Variants in BCL2 observed in about 807,000 individuals in gnomAD.
The protein encoded by BCL2 is BCL2 apoptosis regulator.
Under a neutral mutation model 14.2 loss-of-function variants are expected in BCL2, and 1 was observed. The observed-to-expected ratio is 0.07, with a 90% confidence interval of 0.02 to 0.33. BCL2 has a LOEUF of 0.33. BCL2 is among the 10% of genes least tolerant of loss of function. The pLI is 0.99. For missense variants in BCL2, 247 were observed against 305.9 expected (o/e 0.81, Z 1.44); for synonymous variants, 151 against 137.2 (o/e 1.10, Z -0.70).
chr18:63,171,248 A>G (rs890719429), intron 2 of BCL2, among the ~76,000 whole-genome samples: 1 of 152,246 alleles, frequency 6.6e-6, no homozygotes, highest in African/African-American at 2.4e-5. Context: ...TTAAGAAAAA[A>G]AACAAAAACC....
chr18:63,167,189 T>G (rs1181350948), intron 2 of BCL2, among the ~76,000 whole-genome samples: 1 of 152,194 alleles, frequency 6.6e-6, no homozygotes, highest in Non-Finnish European at 1.5e-5. Flanking sequence ...GTCACCTATT[T>G]CCTGTCTTTC....
At chr18:63,156,796 C>A (rs189202522) in intron 2 of BCL2, among the ~76,000 whole-genome samples, 57 of 152,340 alleles carry the variant, frequency 3.7e-4, no homozygotes, top group African/African-American at 1.3e-3. Flanking sequence ...GGGGACTCCA[C>A]ACCCAAAGCC....
intron 2 of BCL2, among the ~76,000 whole-genome samples, chr18:63,274,277 CTTTT>C (rs74169950): frequency 1.2e-5 from 1 of 86,752 alleles, no homozygotes; most frequent in African/African-American, 4.4e-5. Context: ...TAAAGATACT[CTTTT>C]TTTTTTTTTT....
chr18:63,123,896 CTTAT>C lies in BCL2; in HGVS notation c.*4725_*4728del, dbSNP rs1162786449. 9.2e-6 allele frequency: 2 copies of C among 218,548 alleles called. No homozygotes were observed. The highest frequency in any genetic ancestry group is 1.8e-4 in the South Asian group (1 of 5,414). 13.5% of individuals were successfully genotyped at this position (218,548 alleles called of 1,614,324 possible). On this transcript the variant is annotated 3_prime_UTR_variant, in exon 3 of 3. Coordinates refer to ENST00000333681, the MANE Select transcript of BCL2 (RefSeq NM_000633.3). ...ATTTACTCAGTATCTACACTACAGT[CTTAT>C]TTATTAATAGTCTCAGAATTTTCTT...
intron 2 of BCL2, among the ~76,000 whole-genome samples, chr18:63,162,246 C>T (rs971958689): frequency 2.6e-5 from 4 of 152,076 alleles, no homozygotes; most frequent in Middle Eastern, 3.2e-3. Flanking sequence ...AAATTGAAGA[C>T]GATGATGACC....
chr18:63,155,987 T>G (rs1225094647), intron 2 of BCL2, among the ~76,000 whole-genome samples: 1 of 151,710 alleles, frequency 6.6e-6, no homozygotes, highest in Non-Finnish European at 1.5e-5. Context: ...TTCTTGGGAC[T>G]CTTGTTCTTT....
At chr18:63,234,976 T>C (rs1466335154) in intron 2 of BCL2, among the ~76,000 whole-genome samples, 2 of 151,906 alleles carry the variant, frequency 1.3e-5, no homozygotes, top group Non-Finnish European at 2.9e-5. Context: ...CATACTCCAA[T>C]AAGCCAATAA....
chr18:63,274,416 T>C (rs34929825), intron 2 of BCL2, among the ~76,000 whole-genome samples: 46,945 of 150,620 alleles, frequency 0.31, 7,826 homozygotes, highest in Middle Eastern at 0.42. Flanking sequence ...TCCCGAGTAG[T>C]GGGGATTACA....
chr18:63,243,791 A>G (rs1599265380), intron 2 of BCL2, among the ~76,000 whole-genome samples: 1 of 152,254 alleles, frequency 6.6e-6, no homozygotes, highest in East Asian at 1.9e-4. Context: ...CTAATATGAC[A>G]AATTTTCAAT....
At chr18:63,284,112 G>C (rs1203966401) in intron 2 of BCL2, among the ~76,000 whole-genome samples, 1 of 152,102 alleles carries the variant, frequency 6.6e-6, no homozygotes, top group Non-Finnish European at 1.5e-5. Flanking sequence ...CTTGGCCTGG[G>C]GGCACTTCTG....
intron 2 of BCL2, among the ~76,000 whole-genome samples, chr18:63,281,940 A>T (rs974588868): frequency 6.6e-6 from 1 of 152,198 alleles, no homozygotes; most frequent in African/African-American, 2.4e-5. Flanking sequence ...AGCTTATCCA[A>T]TACTTCATTA....
intron 2 of BCL2, among the ~76,000 whole-genome samples, chr18:63,147,791 G>A (rs1356011559): frequency 2.0e-5 from 3 of 152,114 alleles, no homozygotes; most frequent in Non-Finnish European, 4.4e-5. Context: ...GGTAACTTTT[G>A]ATGATAAGTT....
chr18:63,206,054 G>C lies in BCL2; in HGVS notation c.586-77295C>G, dbSNP rs1402547123. ...TGCCTCAGGCCTCTCCCTCTTCTGA[G>C]AGTTCTTGTCTCCATGTCTGATCCC... is the stretch of plus-strand genomic sequence containing the variant. On this transcript the variant is annotated intron_variant, in intron 2 of 2. Transcript: ENST00000333681. Among the ~76,000 whole-genome samples, 3 of 152,158 alleles carry C rather than the reference G, an allele frequency of 2.0e-5. No homozygotes were observed. The East Asian group carries it at 5.8e-4, about 29-fold the overall frequency.
intron 2 of BCL2, among the ~76,000 whole-genome samples, chr18:63,278,368 G>A (rs754287389): frequency 1.8e-4 from 27 of 152,146 alleles, no homozygotes; most frequent in South Asian, 1.2e-3. Flanking sequence ...CGGGCTCCCC[G>A]GAGCCTTCTC....
intron 2 of BCL2, among the ~76,000 whole-genome samples, chr18:63,299,967 C>T (rs1912913886): frequency 6.6e-6 from 1 of 152,080 alleles, no homozygotes; most frequent in Admixed American, 6.5e-5. Flanking sequence ...CTGTCCCCCC[C>T]AAGGCCAGAG....
At chr18:63,303,237 A>C (rs900632803) in intron 2 of BCL2, among the ~76,000 whole-genome samples, 1 of 152,210 alleles carries the variant, frequency 6.6e-6, no homozygotes, top group Non-Finnish European at 1.5e-5. Flanking sequence ...TGTTTTTCCA[A>C]CGCACACTCT....
chr18:63,186,824 A>C (rs1286722038), intron 2 of BCL2, among the ~76,000 whole-genome samples: 4 of 152,268 alleles, frequency 2.6e-5, no homozygotes, highest in Admixed American at 6.5e-5. Context: ...GTCAGGAGTT[A>C]ATAGAACTTA....
chr18:63,192,626 T>C (rs1181911912), intron 2 of BCL2, among the ~76,000 whole-genome samples: 1 of 152,168 alleles, frequency 6.6e-6, no homozygotes, highest in East Asian at 1.9e-4. Context: ...TTGAAAGCAC[T>C]GATGGCAGCT....
At chr18:63,237,845 G>T (rs1307682852) in intron 2 of BCL2, among the ~76,000 whole-genome samples, 1 of 152,128 alleles carries the variant, frequency 6.6e-6, no homozygotes, top group Non-Finnish European at 1.5e-5. Flanking sequence ...ATGAAAATAT[G>T]ATCTTGGTAA....
Sources: allele counts gnomAD v4.1 joint callset (sites outside exome capture counted in the v4.1 genomes callset), GRCh38; gene constraint gnomAD v4.1.1; transcripts MANE v1.5; gene names NCBI Gene and HGNC (gene_info 2026-07-23, HGNC 2026-07-21).